CDH13: variants seen among roughly 807,000 people sequenced by gnomAD.
The protein encoded by CDH13 is cadherin 13.
Under a neutral mutation model 63.8 loss-of-function variants are expected in CDH13, and 24 were observed. That is an observed-to-expected ratio of 0.38 (90% CI 0.27 to 0.53). CDH13 has a LOEUF of 0.53. Among genes scored for constraint, CDH13 ranks in the 20% least tolerant of loss-of-function variants. The probability of loss-of-function intolerance (pLI) is 0.85; values close to 1 mark genes in which losing one functional copy is unlikely to be tolerated. For missense variants in CDH13, 1,049 were observed against 903.1 expected (o/e 1.16, Z -2.07); for synonymous variants, 503 against 355.3 (o/e 1.42, Z -4.67).
intron 3 of CDH13, among the ~76,000 whole-genome samples, chr16:83,052,087 A>G (rs539588703): frequency 2.0e-5 from 3 of 152,220 alleles, no homozygotes; most frequent in Non-Finnish European, 2.9e-5. Flanking sequence ...GCAGCTAACT[A>G]TATCATGCAT....
At chr16:82,744,556 A>G (rs1238309936) in intron 1 of CDH13, among the ~76,000 whole-genome samples, 1 of 151,994 alleles carries the variant, frequency 6.6e-6, no homozygotes, top group Admixed American at 6.6e-5. Flanking sequence ...CTAGAATACC[A>G]GGTCCCTTTC....
At chr16:83,211,770 C>T (rs1001835319) in intron 4 of CDH13, among the ~76,000 whole-genome samples, 2 of 151,964 alleles carry the variant, frequency 1.3e-5, no homozygotes, top group African/African-American at 2.4e-5. Flanking sequence ...CCCCCCCAAA[C>T]AGCCAGCCAG....
At chr16:83,137,848 A>G (rs1357558000) in intron 4 of CDH13, among the ~76,000 whole-genome samples, 3 of 150,806 alleles carry the variant, frequency 2.0e-5, no homozygotes, top group African/African-American at 7.3e-5. Flanking sequence ...GAAAGAGACC[A>G]ATAAAGTGTT....
chr16:83,126,891 T>C (rs73604205), intron 4 of CDH13, among the ~76,000 whole-genome samples: 4,493 of 152,230 alleles, frequency 0.03, 177 homozygotes, highest in African/African-American at 0.087. Context: ...AACAAGAACA[T>C]TGCAGAGTAT....
intron 2 of CDH13, among the ~76,000 whole-genome samples, chr16:83,001,185 G>A (rs1171269541): frequency 6.6e-6 from 1 of 152,230 alleles, no homozygotes; most frequent in African/African-American, 2.4e-5. Context: ...AACCCCTGTG[G>A]TGACCACACA....
At chr16:82,681,134 A>G (rs1914497839) in intron 1 of CDH13, among the ~76,000 whole-genome samples, 1 of 152,234 alleles carries the variant, frequency 6.6e-6, no homozygotes. Context: ...TGGTGTCTGA[A>G]AGATTAAAGG....
intron 1 of CDH13, among the ~76,000 whole-genome samples, chr16:82,676,871 TTTTTG>T (rs61269039): frequency 0.025 from 3,769 of 149,490 alleles, 99 homozygotes; most frequent in African/African-American, 0.078. Flanking sequence ...GTTTCTTTGT[TTTTTG>T]TTTTGTTTTG....
At chr16:83,025,981 C>T (rs1915765371) in intron 2 of CDH13, among the ~76,000 whole-genome samples, 1 of 152,306 alleles carries the variant, frequency 6.6e-6, no homozygotes, top group Non-Finnish European at 1.5e-5. Context: ...CTTTTTAATG[C>T]TCCTTCAGCA....
rs143044385 is a variant in CDH13, at chr16:82,656,839, G to A, written c.45+29702G>A. ...TCATATGGTTGGAATAATATAGTATGTAGCCTTTTCAAATTAGCTTCCTTC... is the reference window on the plus strand; with the variant it reads ...TCATATGGTTGGAATAATATAGTATATAGCCTTTTCAAATTAGCTTCCTTC... On this transcript the variant is annotated intron_variant, in intron 1 of 13. Coordinates refer to ENST00000567109, the MANE Select transcript of CDH13 (RefSeq NM_001257.5). Among the ~76,000 whole-genome samples the A allele has an allele frequency of 7.3e-5, 11 of 151,380 alleles. No homozygotes were observed. In the East Asian group the frequency reaches 1.8e-3, roughly 24 times the overall value.
chr16:82,851,188 C>G (rs1054463551), intron 1 of CDH13, among the ~76,000 whole-genome samples: 2 of 152,084 alleles, frequency 1.3e-5, no homozygotes, highest in African/African-American at 2.4e-5. Flanking sequence ...GTAATCCTAG[C>G]CCTTTGGGAG....
chr16:83,022,072 C>T (rs963312396), intron 2 of CDH13, among the ~76,000 whole-genome samples: 1 of 152,166 alleles, frequency 6.6e-6, no homozygotes, highest in African/African-American at 2.4e-5. Flanking sequence ...CTGGACTAAG[C>T]CCTGTGAGTG....
At chr16:82,888,147 T>C (rs935542783) in intron 2 of CDH13, among the ~76,000 whole-genome samples, 3 of 152,220 alleles carry the variant, frequency 2.0e-5, no homozygotes, top group African/African-American at 4.8e-5. Context: ...GAACAACCTT[T>C]TGGGAAGAAA....
At chr16:83,580,291 A>G (rs1473552901) in intron 7 of CDH13, among the ~76,000 whole-genome samples, 4 of 152,114 alleles carry the variant, frequency 2.6e-5, no homozygotes, top group Non-Finnish European at 5.9e-5. Flanking sequence ...GGCCTGACTT[A>G]CAGGAGAGGT....
intron 1 of CDH13, among the ~76,000 whole-genome samples, chr16:82,773,887 A>T (rs2035373133): frequency 6.6e-6 from 1 of 151,578 alleles, no homozygotes; most frequent in Non-Finnish European, 1.5e-5. Flanking sequence ...GGGTTCAAGC[A>T]ATTCTCCTGC....
intron 5 of CDH13, among the ~76,000 whole-genome samples, chr16:83,261,815 CT>C (rs1319068340): frequency 6.6e-6 from 1 of 151,798 alleles, no homozygotes; most frequent in African/African-American, 2.4e-5. Flanking sequence ...ACCCTGCCTT[CT>C]TGCTGTACCT....
At chr16:82,878,996 C>A (rs1774410135) in intron 2 of CDH13, among the ~76,000 whole-genome samples, 1 of 152,118 alleles carries the variant, frequency 6.6e-6, no homozygotes, top group Non-Finnish European at 1.5e-5. Flanking sequence ...TCCCCTCCTA[C>A]CCCATGACCA....
At chr16:83,545,385 T>G (rs554801721) in intron 7 of CDH13, among the ~76,000 whole-genome samples, 1 of 152,344 alleles carries the variant, frequency 6.6e-6, no homozygotes, top group East Asian at 1.9e-4. Context: ...TTCATTAATT[T>G]TCACCGTAAC....
chr16:83,094,673 A>T (rs1039618638), intron 3 of CDH13, among the ~76,000 whole-genome samples: 5 of 152,198 alleles, frequency 3.3e-5, no homozygotes, highest in Admixed American at 6.5e-5. Flanking sequence ...AAATAAAGGG[A>T]TCTGAGCAGC....
At chr16:82,649,084 A>T (rs1910435029) in intron 1 of CDH13, among the ~76,000 whole-genome samples, 1 of 118,192 alleles carries the variant, frequency 8.5e-6, no homozygotes, top group African/African-American at 4.0e-5. Context: ...ATATAAATAT[A>T]GTTAGAGAGT....
Sources: gnomAD v4.1 joint callset for allele counts (sites outside exome capture counted in the v4.1 genomes callset) on GRCh38, gnomAD v4.1.1 for gene constraint, MANE v1.5 for transcripts, NCBI Gene and HGNC (gene_info 2026-07-23, HGNC 2026-07-21) for gene names.